The following NTM variants were observed in gnomAD, a reference collection of about 807,000 sequenced individuals.
NTM encodes the protein neurotrimin.
NTM carries 13 observed loss-of-function variants against 42.1 expected under a neutral mutation model. That is an observed-to-expected ratio of 0.31 (90% CI 0.20 to 0.49). NTM has a LOEUF of 0.49. NTM is among the 20% of genes least tolerant of loss of function. The pLI, the probability that NTM is intolerant of heterozygous loss-of-function variation, is 0.99. For synonymous variants in NTM, 187 were observed against 179.2 expected, an observed-to-expected ratio of 1.04 and a Z score of -0.35; for missense variants, 373 against 452.8, an observed-to-expected ratio of 0.82 and a Z score of 1.60.
At chr11:131,717,357 TGATTAGTTTAGTATATG>T in intron 1 of NTM, among the ~76,000 whole-genome samples, 1 of 152,226 alleles carries the variant, frequency 6.6e-6, no homozygotes, top group African/African-American at 2.4e-5. Flanking sequence ...GTCTCATGAC[TGATTAGTTTAGTATATG>T]TCTCTATTTA....
intron 2 of NTM, among the ~76,000 whole-genome samples, chr11:131,933,870 C>A (rs1488952380): frequency 8.9e-5 from 3 of 33,554 alleles, no homozygotes; most frequent in Non-Finnish European, 3.3e-4. Context: ...ATTTACTGAA[C>A]TCTTTTTTTC....
Position 131,388,180 on chromosome 11 carries a change from C to T in NTM, c.82+17292C>T, listed in dbSNP as rs1943557247. ...TCCTGGGAGGGGCCTCAGTGTCTCT[C>T]GAATACTCTCACCTTAGAAAAAAAT... On this transcript the variant is annotated intron_variant, in intron 1 of 8. Coordinates refer to ENST00000683400, the MANE Select transcript of NTM (RefSeq NM_001352005.2). 3.3e-5 allele frequency among the ~76,000 whole-genome samples: 5 copies of T among 152,172 alleles called. No homozygotes were observed. The South Asian group carries it at 6.3e-4, about 19-fold the overall frequency.
chr11:132,237,823 C>T (rs967213729), intron 4 of NTM, among the ~76,000 whole-genome samples: 1 of 152,192 alleles, frequency 6.6e-6, no homozygotes, highest in African/African-American at 2.4e-5. Context: ...CAGTCCCAGG[C>T]CTCGGCTCCG....
intron 2 of NTM, among the ~76,000 whole-genome samples, chr11:131,919,900 A>C (rs79427503): frequency 0.036 from 5,514 of 151,820 alleles, 124 homozygotes; most frequent in Non-Finnish European, 0.058. Flanking sequence ...CCCTTTGTCC[A>C]CCTATAATTG....
chr11:131,432,146 G>T (rs1284894633), intron 1 of NTM, among the ~76,000 whole-genome samples: 1 of 152,116 alleles, frequency 6.6e-6, no homozygotes, highest in Non-Finnish European at 1.5e-5. Context: ...ATTGCAGACA[G>T]GGGGAGTACT....
At chr11:131,862,686 C>T (rs557626380) in intron 1 of NTM, among the ~76,000 whole-genome samples, 1 of 152,194 alleles carries the variant, frequency 6.6e-6, no homozygotes, top group South Asian at 2.1e-4. Flanking sequence ...CCTCTTATAG[C>T]AAAGGCTGTG....
intron 1 of NTM, among the ~76,000 whole-genome samples, chr11:131,392,596 G>A (rs1292637337): frequency 1.3e-5 from 2 of 152,160 alleles, no homozygotes; most frequent in Non-Finnish European, 2.9e-5. Flanking sequence ...TATAAGCTTC[G>A]CCTCCTGGAG....
chr11:132,299,831 G>C (rs2094776051), intron 4 of NTM, among the ~76,000 whole-genome samples: 1 of 152,058 alleles, frequency 6.6e-6, no homozygotes, highest in Non-Finnish European at 1.5e-5. Flanking sequence ...AAGATCATCA[G>C]ATTCTCTTTT....
intron 1 of NTM, among the ~76,000 whole-genome samples, chr11:131,449,244 CG>C (rs557231914): frequency 2.3e-4 from 35 of 151,362 alleles, no homozygotes; most frequent in African/African-American, 8.2e-4. Flanking sequence ...GAAGGACAGC[CG>C]GGGACTGCTG....
chr11:132,032,833 A>G (rs1170372922), intron 2 of NTM, among the ~76,000 whole-genome samples: 2 of 152,156 alleles, frequency 1.3e-5, no homozygotes, highest in Admixed American at 6.5e-5. Context: ...ATCTCATCAT[A>G]TTATGTTGAT....
intron 1 of NTM, among the ~76,000 whole-genome samples, chr11:131,807,630 A>C (rs184654348): frequency 6.6e-6 from 1 of 152,208 alleles, no homozygotes; most frequent in Non-Finnish European, 1.5e-5. Flanking sequence ...TCATAGAAAG[A>C]TCTCAATAAG....
intron 2 of NTM, among the ~76,000 whole-genome samples, chr11:131,923,003 T>C (rs2057439936): frequency 6.6e-6 from 1 of 152,106 alleles, no homozygotes; most frequent in Non-Finnish European, 1.5e-5. Flanking sequence ...CAGGATCTGC[T>C]ATAAACTTAT....
At chr11:131,382,861 G>C (rs1226785567) in intron 1 of NTM, among the ~76,000 whole-genome samples, 1 of 152,206 alleles carries the variant, frequency 6.6e-6, no homozygotes, top group East Asian at 1.9e-4. Context: ...TTACTTAGCA[G>C]ATTTTGGACT....
chr11:131,404,524 C>T (rs559665447), intron 1 of NTM, among the ~76,000 whole-genome samples: 7 of 152,286 alleles, frequency 4.6e-5, no homozygotes, highest in African/African-American at 1.7e-4. Context: ...TCATCCAGTC[C>T]TGTGGTTTCC....
intron 1 of NTM, among the ~76,000 whole-genome samples, chr11:131,628,251 C>T (rs944749524): frequency 4.6e-5 from 7 of 152,320 alleles, no homozygotes; most frequent in Admixed American, 6.5e-5. Context: ...AGATCTTTCA[C>T]GGGTGACCCC....
At chr11:131,984,246 C>G (rs1484131583) in intron 2 of NTM, among the ~76,000 whole-genome samples, 1 of 152,196 alleles carries the variant, frequency 6.6e-6, no homozygotes, top group Non-Finnish European at 1.5e-5. Context: ...TCTTCATGAT[C>G]AGCCATGGCT....
chr11:131,918,577 G>T (rs1276187428), intron 2 of NTM, among the ~76,000 whole-genome samples: 7 of 152,172 alleles, frequency 4.6e-5, no homozygotes, highest in Admixed American at 4.6e-4. Flanking sequence ...TCAGGTGGGT[G>T]CTGAGCCTGG....
At chr11:131,435,086 G>T (rs1293428861) in intron 1 of NTM, among the ~76,000 whole-genome samples, 1 of 152,184 alleles carries the variant, frequency 6.6e-6, no homozygotes, top group East Asian at 1.9e-4. Flanking sequence ...GTTTGTTAAA[G>T]ATCAGATGGT....
intron 2 of NTM, among the ~76,000 whole-genome samples, chr11:132,072,161 C>T (rs1566085911): frequency 6.6e-6 from 1 of 152,166 alleles, no homozygotes; most frequent in Non-Finnish European, 1.5e-5. Flanking sequence ...CAGCCCTTCC[C>T]CTGACTTAAA....
Sources: allele counts gnomAD v4.1 joint callset (sites outside exome capture counted in the v4.1 genomes callset), GRCh38; gene constraint gnomAD v4.1.1; transcripts MANE v1.5; gene names NCBI Gene and HGNC (gene_info 2026-07-23, HGNC 2026-07-21).